PRRC2B: variants seen among roughly 807,000 people sequenced by gnomAD.
PRRC2B encodes proline rich coiled-coil 2B.
Under a neutral mutation model 242.3 loss-of-function variants are expected in PRRC2B, and 68 were observed. The observed-to-expected ratio is 0.28, with a 90% CI of 0.23 to 0.34. The LOEUF (loss-of-function observed/expected upper bound fraction) is 0.34. Ranked by LOEUF, PRRC2B falls within the 10% of genes least tolerant of loss-of-function variation. The probability of loss-of-function intolerance (pLI) is 1.00; values close to 1 mark genes in which losing one functional copy is unlikely to be tolerated. For synonymous variants in PRRC2B, 1,228 were observed against 1,173.6 expected, an observed-to-expected ratio of 1.05 and a Z score of -0.95; for missense variants, 2,835 against 2,954.8, an observed-to-expected ratio of 0.96 and a Z score of 0.94.
intron 17 of PRRC2B, among the ~76,000 whole-genome samples, chr9:131,478,227 A>T (rs978774812): frequency 0.02 from 4 of 198 alleles, no homozygotes; most frequent in Non-Finnish European, 0.056. Flanking sequence ...GGTGTGTCCG[A>T]GGTCACACAC....
At chr9:131,493,845 G>A (rs1274459061) in intron 30 of PRRC2B, among the ~76,000 whole-genome samples, 2 of 152,090 alleles carry the variant, frequency 1.3e-5, no homozygotes, top group Non-Finnish European at 2.9e-5. Context: ...TCTGCACACG[G>A]CACTTAGGCT....
At position 131,496,684 on chromosome 9, in the gene PRRC2B, A is replaced by T. The variant is rs779640944; in HGVS notation, c.*810A>T. On this transcript the variant is annotated 3_prime_UTR_variant, in exon 32 of 32. Coordinates refer to ENST00000683519, the MANE Select transcript of PRRC2B (RefSeq NM_013318.4). The stretch of plus-strand genomic sequence containing the variant: ...GGCTTGATGAGCCCAGGGCGCTTAC[A>T]GGCAGCCCATGAAGTTGATGACAGT... The T allele has an allele frequency of 3.3e-5, 5 of 152,132 alleles. No homozygotes were observed. The highest frequency in any genetic ancestry group is 7.3e-5 in the Non-Finnish European group (5 of 68,062). The allele number at this position is 152,132 out of a possible 1,614,324, so 9.4% of individuals were successfully genotyped here. A position where few individuals can be genotyped will look rare whatever the true frequency, so the allele number is the denominator to read the frequency against.
In PRRC2B at chr9:131,385,981, C is replaced by T. The variant is rs928065859; in HGVS notation, c.-56+12250C>T. Among the ~76,000 whole-genome samples the T allele has an allele frequency of 6.6e-5, 10 of 150,660 alleles. 2 individuals are homozygous for T. The highest frequency in any genetic ancestry group is 5.5e-4 in the Admixed American group (8 of 14,530). ...GTGCTGGGATTACAGGCGTGAACCACGGCGCCCGGCCATCATTCTTATTGT... is the reference window on the plus strand; with the variant it reads ...GTGCTGGGATTACAGGCGTGAACCATGGCGCCCGGCCATCATTCTTATTGT... On this transcript the variant is annotated intron_variant, in intron 1 of 1. Transcript: ENST00000682525.
intron 1 of PRRC2B, among the ~76,000 whole-genome samples, chr9:131,387,936 A>G (rs1836845667): frequency 6.6e-6 from 1 of 150,810 alleles, no homozygotes; most frequent in African/African-American, 2.4e-5. Context: ...CATGCCTGTA[A>G]TCCCAGCACT....
At chr9:131,488,325 A>G (rs1044780253) in intron 28 of PRRC2B, among the ~76,000 whole-genome samples, 4 of 149,202 alleles carry the variant, frequency 2.7e-5, no homozygotes, top group African/African-American at 2.5e-5. Flanking sequence ...GTGCAGTGGC[A>G]TGATCTCGGC....
Position 131,470,655 on chromosome 9 carries a change from C to G in PRRC2B, c.1912-133C>G, listed in dbSNP as rs1300113833. 3 of 677,578 alleles carry G rather than the reference C, an allele frequency of 4.4e-6. No individual in the cohort carries two copies. In the African/African-American group the frequency reaches 5.5e-5, roughly 12 times the overall value. The allele number at this position is 677,578 out of a possible 1,614,324, so 42.0% of individuals were successfully genotyped here. Reference sequence around the variant, plus strand: ...CTTCCCCTTGAGCAGCTGCCCATCCCTCCCCTCCTTGGTCTTCTGTTCTAG... The same window carrying G: ...CTTCCCCTTGAGCAGCTGCCCATCCGTCCCCTCCTTGGTCTTCTGTTCTAG... On this transcript the variant is annotated intron_variant, in intron 13 of 31. Transcript: ENST00000683519.
intron 1 of PRRC2B, among the ~76,000 whole-genome samples, chr9:131,413,950 G>A (rs776248966): frequency 3.6e-4 from 55 of 152,190 alleles, no homozygotes; most frequent in Non-Finnish European, 6.8e-4. Context: ...GATTACAGGC[G>A]TAAGCCACCA....
intron 30 of PRRC2B, among the ~76,000 whole-genome samples, chr9:131,492,585 A>T (rs1392845877): frequency 6.6e-6 from 1 of 152,218 alleles, no homozygotes; most frequent in Non-Finnish European, 1.5e-5. Context: ...AGATCCTAAA[A>T]ACAGGACCCA....
chr9:131,423,190 G>A (rs1365331467), intron 1 of PRRC2B, among the ~76,000 whole-genome samples: 1 of 152,208 alleles, frequency 6.6e-6, no homozygotes, highest in East Asian at 1.9e-4. Context: ...TTTGACTTAT[G>A]CTAACCTGCG....
In PRRC2B at chr9:131,497,845, GCTT is replaced by G. The variant is rs1944372117; in HGVS notation, c.*1975_*1977del. The G allele has an allele frequency of 6.6e-6, 1 of 152,320 alleles. No homozygotes were observed. Among genetic ancestry groups the G allele is most frequent in the South Asian group, 2.1e-4 (1 of 4,824 alleles). The allele number at this position is 152,320 out of a possible 1,614,324, so 9.4% of individuals were successfully genotyped here. A position where few individuals can be genotyped will look rare whatever the true frequency, so the allele number is the denominator to read the frequency against. Reference sequence around the variant, plus strand: ...ACAGTTCCAGGCATTCCCTACCTGAGCTTCTTGTCTGCTTTTCCTTCTCCCACT... The same window carrying G: ...ACAGTTCCAGGCATTCCCTACCTGAGCTTGTCTGCTTTTCCTTCTCCCACT... On this transcript the variant is annotated 3_prime_UTR_variant, in exon 32 of 32. Transcript: ENST00000683519.
chr9:131,467,857 C>T (rs1943440309), intron 13 of PRRC2B, 104 bp downstream of exon 13: 1 of 1,181,152 alleles, frequency 8.5e-7, no homozygotes, highest in Non-Finnish European at 1.2e-6. Flanking sequence ...AGAAAAAGGC[C>T]AGAATATCCC....
At position 131,446,592 on chromosome 9, in the gene PRRC2B, A is replaced by G. The variant is rs747094274; in HGVS notation, c.805A>G (p.Met269Val). Residue 269 changes from methionine to valine, a missense_variant, in exon 7 of 32, where the codon ATG becomes GTG. Physicochemically the swap from Met to Val is conservative, Grantham distance 21. Transcript: ENST00000683519. This position sits in a 1 kb window ranked among gnomAD's most constrained non-coding sequence, Gnocchi z 4.1. The stretch of plus-strand genomic sequence containing the variant: ...TGTCCGAAAAGGGGCTTCACAGTTC[A>G]TGGGAAATGTATACCACCCACCTAC... Reference protein sequence around the residue: ...QPVRKGASQFMGNVYHPPTYH... With the variant: ...QPVRKGASQFVGNVYHPPTYH... The G allele has an allele frequency of 1.1e-5, 17 of 1,613,936 alleles. No homozygotes were observed. The highest frequency in any genetic ancestry group is 2.2e-5 in the East Asian group (1 of 44,874).
At chr9:131,420,493 C>CTTTCTTTCTTTCTTTTT in intron 1 of PRRC2B, among the ~76,000 whole-genome samples, 14 of 30,180 alleles carry the variant, frequency 4.6e-4, no homozygotes, top group East Asian at 3.3e-3. Context: ...TTCTTTCTTT[C>CTTTCTTTCTTTCTTTTT]TTTTTTTTTT....
chr9:131,450,569 A>G (rs1285651858), intron 9 of PRRC2B, among the ~76,000 whole-genome samples: 3 of 147,946 alleles, frequency 2.0e-5, no homozygotes, highest in African/African-American at 7.5e-5. Flanking sequence ...CCCACCTGAC[A>G]TCTTAACTTT....
At chr9:131,453,103 A>G (rs530478424) in intron 9 of PRRC2B, among the ~76,000 whole-genome samples, 83 of 152,352 alleles carry the variant, frequency 5.4e-4, no homozygotes, top group African/African-American at 1.8e-3. Flanking sequence ...TGAAGCTGCT[A>G]TTAGGCATAC....
rs950722168 is a variant in PRRC2B, at chr9:131,492,174, T to C, written c.6387T>C (p.Ser2129=). The change falls in exon 30 of 32, where the codon TCT becomes TCC. Residue 2129 remains serine (S), a synonymous_variant. Transcript: ENST00000683519. ...TTCCTGCTTGGTCTCTCTAGCCCTC[T>C]CAGATGGAGATGAAAGGCTTCCACT... ...PPVLNTSREP[S]QMEMKGFHFA... is the part of the protein sequence containing the mutation. 2.5e-6 allele frequency: 4 copies of C among 1,613,508 alleles called. No homozygotes were observed. Among genetic ancestry groups the C allele is most frequent in the Non-Finnish European group, 8.5e-7 (1 of 1,179,674 alleles).
chr9:131,462,799 C>T lies in PRRC2B; in HGVS notation c.1405-1964C>T, dbSNP rs190436643. On this transcript the variant is annotated intron_variant, in intron 11 of 31. Coordinates refer to ENST00000683519, the MANE Select transcript of PRRC2B (RefSeq NM_013318.4). ...GTTGCAGTGAGCCGAGATCATGCCACTGCACTCCAGCCTGGGTGACAGAGT... is the reference window on the plus strand; with the variant it reads ...GTTGCAGTGAGCCGAGATCATGCCATTGCACTCCAGCCTGGGTGACAGAGT... Among the ~76,000 whole-genome samples, 1,333 of 141,482 alleles carry T rather than the reference C, an allele frequency of 9.4e-3. 26 individuals carry two copies. The highest frequency in any genetic ancestry group is 0.033 in the African/African-American group (1,261 of 38,284). The allele number at this position is 141,482 out of a possible 152,430, so 92.8% of individuals were successfully genotyped here.
rs570713404 is a variant in PRRC2B at position 131,484,995 on chromosome 9, G to A, written c.5613G>A (p.Glu1871=). 6.2e-7 allele frequency: 1 copy of A among 1,613,576 alleles called. No individual in the cohort carries two copies. Among genetic ancestry groups the A allele is most frequent in the East Asian group, 2.2e-5 (1 of 44,864 alleles). Residue 1871 remains glutamate (E), a synonymous_variant, in exon 25 of 32, where the codon GAG becomes GAA. Transcript: ENST00000683519. ...KAWENSPSLP[E]QSSPGGAGSG... ...GGGAAAACTCCCCCAGTTTGCCGGA[G>A]CAGAGCTCTCCAGGCGGCGCTGGCT...
In PRRC2B at chr9:131,487,976, G is replaced by A; in HGVS notation, c.6105G>A (p.Lys2035=). 1.9e-6 allele frequency: 3 copies of A among 1,612,454 alleles called. No homozygotes were observed. The highest frequency in any genetic ancestry group is 2.5e-6 in the Non-Finnish European group (3 of 1,179,232). The change falls in exon 28 of 32, where the codon AAG becomes AAA. Residue 2035 remains lysine, a synonymous_variant. Coordinates refer to ENST00000683519, the MANE Select transcript of PRRC2B (RefSeq NM_013318.4). The surrounding 1 kb of genome is among the most constrained non-coding windows in gnomAD (Gnocchi z 5.3). ...GCATGCAGCCCTTGGAGATGGTGAA[G>A]CCGCAGTCTGGCTCACCCTACCAGC... is the stretch of plus-strand genomic sequence containing the variant. The part of the protein sequence containing the change: ...FPGMQPLEMV[K]PQSGSPYQPM...
Sources: allele counts gnomAD v4.1 joint callset (sites outside exome capture counted in the v4.1 genomes callset), GRCh38; gene constraint gnomAD v4.1.1; non-coding constraint Gnocchi (gnomAD v3.1); transcripts MANE v1.5; gene names NCBI Gene and HGNC (gene_info 2026-07-23, HGNC 2026-07-21).